Variants in PCDH15 observed in about 807,000 individuals in gnomAD.
PCDH15 encodes the protein protocadherin-15.
A neutral mutation model predicts 178.5 loss-of-function variants in PCDH15; 129 were observed. That is an observed-to-expected ratio of 0.72 (90% CI 0.63 to 0.84). The LOEUF is 0.84. Ranked by LOEUF, PCDH15 falls within the 40% of genes least tolerant of loss-of-function variation. PCDH15 has a pLI of 0.00. For synonymous variants in PCDH15, 800 were observed against 732.0 expected, an observed-to-expected ratio of 1.09 and a Z score of -1.50; for missense variants, 2,230 against 2,099.9, an observed-to-expected ratio of 1.06 and a Z score of -1.21.
intron 3 of PCDH15, among the ~76,000 whole-genome samples, chr10:54,845,121 T>A (rs1440695442): frequency 6.6e-6 from 1 of 151,404 alleles, no homozygotes; most frequent in Non-Finnish European, 1.5e-5. Context: ...AAGCCTTTTT[T>A]TCTTTTTTCT....
chr10:54,207,580 T>A (rs1335896575), intron 10 of PCDH15, among the ~76,000 whole-genome samples: 1 of 152,058 alleles, frequency 6.6e-6, no homozygotes, highest in Non-Finnish European at 1.5e-5. Context: ...GTTATCTGAG[T>A]CAAATTGTTG....
intron 37 of PCDH15, chr10:53,808,371 A>G (rs1210952425): frequency 1.0e-6 from 1 of 960,632 alleles, no homozygotes; most frequent in Non-Finnish European, 1.3e-6. Context: ...ATTCCAATAG[A>G]CAGAGTGTCA....
chr10:55,244,466 T>C (rs1399842434), intron 1 of PCDH15, among the ~76,000 whole-genome samples: 2 of 152,096 alleles, frequency 1.3e-5, no homozygotes, highest in Non-Finnish European at 2.9e-5. Flanking sequence ...TGAAAATTCC[T>C]AAACCCCATG....
At chr10:54,179,374 A>T (rs1042269667) in intron 13 of PCDH15, among the ~76,000 whole-genome samples, 3 of 139,188 alleles carry the variant, frequency 2.2e-5, no homozygotes, top group African/African-American at 7.9e-5. Context: ...AACAATGAGA[A>T]CACATGGACA....
intron 3 of PCDH15, among the ~76,000 whole-genome samples, chr10:54,485,448 T>A (rs1275364425): frequency 6.6e-6 from 1 of 152,022 alleles, no homozygotes; most frequent in African/African-American, 2.4e-5. Flanking sequence ...ATATTTAATA[T>A]TTAGGATACA....
intron 11 of PCDH15, among the ~76,000 whole-genome samples, chr10:54,191,070 T>G (rs2048945646): frequency 6.6e-6 from 1 of 152,196 alleles, no homozygotes; most frequent in Non-Finnish European, 1.5e-5. Context: ...ATCATTAGCA[T>G]CTTTGAAGCA....
At chr10:55,263,843 T>C (rs1038375326) in intron 1 of PCDH15, among the ~76,000 whole-genome samples, 72 of 152,160 alleles carry the variant, frequency 4.7e-4, no homozygotes, top group Non-Finnish European at 8.7e-4. Flanking sequence ...CACGCCGTTC[T>C]CCTGCCTCAG....
At chr10:54,441,243 T>C (rs1040034621) in intron 3 of PCDH15, among the ~76,000 whole-genome samples, 3 of 151,944 alleles carry the variant, frequency 2.0e-5, no homozygotes, top group African/African-American at 4.8e-5. Flanking sequence ...CAGAATACTT[T>C]GTAATTTTAA....
intron 1 of PCDH15, among the ~76,000 whole-genome samples, chr10:54,681,741 A>G (rs1424820542): frequency 6.6e-6 from 1 of 152,198 alleles, no homozygotes; most frequent in Non-Finnish European, 1.5e-5. Flanking sequence ...AGATAGGAAG[A>G]CAGTGGGGAC....
chr10:54,838,293 A>G (rs1172986853), intron 3 of PCDH15, among the ~76,000 whole-genome samples: 2 of 152,088 alleles, frequency 1.3e-5, no homozygotes, highest in Non-Finnish European at 2.9e-5. Context: ...TAATTGAATC[A>G]TGGGTGCAGT....
intron 18 of PCDH15, among the ~76,000 whole-genome samples, chr10:54,027,489 C>G (rs1378131405): frequency 6.6e-6 from 1 of 151,448 alleles, no homozygotes; most frequent in Non-Finnish European, 1.5e-5. Context: ...CCAAGTCAAT[C>G]CTAAGCCAAA....
intron 28 of PCDH15, among the ~76,000 whole-genome samples, chr10:53,853,975 G>A (rs908927502): frequency 5.1e-4 from 77 of 151,966 alleles, no homozygotes; most frequent in Admixed American, 5.3e-4. Flanking sequence ...GTTCATAGCA[G>A]TATTATTCAC....
At chr10:54,718,269 A>ATT (rs879532833) in intron 1 of PCDH15, among the ~76,000 whole-genome samples, 42 of 145,212 alleles carry the variant, frequency 2.9e-4, no homozygotes, top group Non-Finnish European at 4.7e-4. Flanking sequence ...AATAATAATA[A>ATT]TAATAAAAAG....
Position 54,093,802 on chromosome 10 carries a change from TTTAA to T in PCDH15, c.1918-3743_1918-3740del, listed in dbSNP as rs537801182. On this transcript the variant is annotated intron_variant, in intron 15 of 37. Coordinates refer to ENST00000644397, the MANE Select transcript of PCDH15 (RefSeq NM_001384140.1). The stretch of plus-strand genomic sequence containing the variant: ...TCATTCCAACCAGATTTCTCTGTAC[TTTAA>T]TTAATTGAAAGATGCATCTTTTTTA... 2.9e-3 allele frequency among the ~76,000 whole-genome samples: 442 copies of T among 152,338 alleles called. 2 individuals are homozygous for T. The highest frequency in any genetic ancestry group is 4.4e-3 in the Non-Finnish European group (301 of 68,030).
At chr10:55,570,680 C>T (rs1452806032) in intron 2 of PCDH15, among the ~76,000 whole-genome samples, 2 of 151,946 alleles carry the variant, frequency 1.3e-5, no homozygotes, top group Admixed American at 1.3e-4. Flanking sequence ...TTATACTATA[C>T]TGCAGGATTT....
intron 4 of PCDH15, among the ~76,000 whole-genome samples, chr10:54,371,688 T>C (rs947542529): frequency 6.6e-6 from 1 of 151,720 alleles, no homozygotes; most frequent in Admixed American, 6.6e-5. Context: ...ACCTACTATA[T>C]ACCCATAAAA....
intron 2 of PCDH15, among the ~76,000 whole-genome samples, chr10:55,524,733 A>G (rs1186999723): frequency 2.6e-5 from 4 of 151,596 alleles, no homozygotes; most frequent in Non-Finnish European, 5.9e-5. Context: ...CATTGTCCAT[A>G]GCTTATTTAT....
At chr10:54,201,934 C>T (rs1197117426) in intron 10 of PCDH15, among the ~76,000 whole-genome samples, 1 of 152,114 alleles carries the variant, frequency 6.6e-6, no homozygotes, top group Non-Finnish European at 1.5e-5. Context: ...TCACCCAGCC[C>T]CCTCAATCAT....
At chr10:55,016,098 TAA>T (rs199893494) in intron 2 of PCDH15, among the ~76,000 whole-genome samples, 13,799 of 115,200 alleles carry the variant, frequency 0.12, 807 homozygotes, top group East Asian at 0.25. Context: ...CTTTTTTTTT[TAA>T]AAAAAAAAAA....
Sources: gnomAD v4.1 joint callset for allele counts (sites outside exome capture counted in the v4.1 genomes callset) on GRCh38, gnomAD v4.1.1 for gene constraint, MANE v1.5 for transcripts, NCBI Gene and HGNC (gene_info 2026-07-23, HGNC 2026-07-21) for gene names.